Variants in LIMCH1 observed in about 807,000 individuals in gnomAD.
LIMCH1 encodes the protein LIM and calponin homology domains-containing protein 1.
Under a neutral mutation model 176.5 loss-of-function variants are expected in LIMCH1, and 113 were observed. That is an observed-to-expected ratio of 0.64 (90% CI 0.55 to 0.75). The LOEUF is 0.75. Among genes scored for constraint, LIMCH1 ranks in the 30% least tolerant of loss-of-function variants. The pLI is 0.00. For missense variants in LIMCH1, 1,674 were observed against 1,814.9 expected, an observed-to-expected ratio of 0.92 and a Z score of 1.41; for synonymous variants, 619 against 645.9, an observed-to-expected ratio of 0.96 and a Z score of 0.63.
chr4:41,363,324 C>G (rs1295726906), intron 1 of LIMCH1, among the ~76,000 whole-genome samples: 5 of 152,206 alleles, frequency 3.3e-5, no homozygotes, highest in African/African-American at 1.2e-4. Context: ...ACAATTGCAA[C>G]TCCTCTAGGG....
intron 1 of LIMCH1, among the ~76,000 whole-genome samples, chr4:41,434,605 C>T (rs1027190510): frequency 6.6e-6 from 1 of 152,200 alleles, no homozygotes; most frequent in Non-Finnish European, 1.5e-5. Flanking sequence ...CCACCTCCAC[C>T]TCCCAAGTTC....
chr4:41,586,761 A>G (rs565509520), intron 1 of LIMCH1, among the ~76,000 whole-genome samples: 2 of 152,266 alleles, frequency 1.3e-5, no homozygotes, highest in African/African-American at 4.8e-5. Flanking sequence ...TTTTCCTGAT[A>G]GGCTGCACTG....
At chr4:41,570,472 C>T (rs1211451717) in intron 1 of LIMCH1, among the ~76,000 whole-genome samples, 6 of 152,130 alleles carry the variant, frequency 3.9e-5, no homozygotes, top group Admixed American at 3.3e-4. Context: ...TTTGCATTAG[C>T]GTTGCAGTGG....
At chr4:41,560,055 C>A (rs1016624501) in intron 1 of LIMCH1, among the ~76,000 whole-genome samples, 2 of 152,140 alleles carry the variant, frequency 1.3e-5, no homozygotes, top group Non-Finnish European at 2.9e-5. Flanking sequence ...TTTATTCTGT[C>A]CAAACTGTCC....
intron 13 of LIMCH1, among the ~76,000 whole-genome samples, chr4:41,638,461 G>A (rs2093688814): frequency 6.6e-6 from 1 of 152,156 alleles, no homozygotes; most frequent in South Asian, 2.1e-4. Flanking sequence ...TGTTATTTGT[G>A]CAAATGCATT....
At chr4:41,415,491 G>A (rs1581781520) in intron 1 of LIMCH1, among the ~76,000 whole-genome samples, 1 of 152,042 alleles carries the variant, frequency 6.6e-6, no homozygotes. Flanking sequence ...ATTATTTGAG[G>A]TTTTGAAGCA....
At chr4:41,387,122 A>G (rs1208953837) in intron 1 of LIMCH1, among the ~76,000 whole-genome samples, 2 of 152,234 alleles carry the variant, frequency 1.3e-5, no homozygotes, top group East Asian at 3.8e-4. Flanking sequence ...ATACTCATGC[A>G]TACTGTATTT....
intron 1 of LIMCH1, among the ~76,000 whole-genome samples, chr4:41,465,954 C>CTTT (rs34784602): frequency 7.9e-4 from 85 of 108,252 alleles, no homozygotes; most frequent in Middle Eastern, 5.7e-3. Flanking sequence ...CTGTTTGGCT[C>CTTT]TTTTTTTTTT....
At chr4:41,521,472 C>G (rs1211932213) in intron 2 of LIMCH1, among the ~76,000 whole-genome samples, 1 of 152,076 alleles carries the variant, frequency 6.6e-6, no homozygotes, top group Non-Finnish European at 1.5e-5. Context: ...ATATTTATAT[C>G]TTAACTTATA....
intron 1 of LIMCH1, among the ~76,000 whole-genome samples, chr4:41,401,112 T>C (rs1561249605): frequency 6.6e-6 from 1 of 152,242 alleles, no homozygotes; most frequent in Admixed American, 6.5e-5. Flanking sequence ...TGCCCATGCC[T>C]ATGTCTTGAA....
chr4:41,673,508 C>T (rs1378654800), intron 22 of LIMCH1, among the ~76,000 whole-genome samples: 1 of 151,980 alleles, frequency 6.6e-6, no homozygotes, highest in Non-Finnish European at 1.5e-5. Flanking sequence ...CATCATAGAA[C>T]AGAAAATAAA....
chr4:41,428,881 G>A (rs550021038), intron 1 of LIMCH1, among the ~76,000 whole-genome samples: 10 of 152,306 alleles, frequency 6.6e-5, no homozygotes, highest in East Asian at 3.9e-4. Flanking sequence ...GAAGACAGTC[G>A]CTCACTGCTG....
At position 41,650,602 on chromosome 4, in the gene LIMCH1, G is replaced by A. The variant is rs764899804; in HGVS notation, c.3030G>A (p.Glu1010=). ...NIKKPNSVPQ[E]LAATTEKTEP... is the part of the protein sequence containing the mutation. ...AGAAGCCAAACTCTGTTCCCCAAGA[G>A]CTCGCAGTAAGAACCAAACATTTCC... Residue 1010 remains glutamate, a synonymous_variant, in exon 18 of 32, where the codon GAG becomes GAA. Transcript: ENST00000503057. 2 of 1,612,492 alleles carry A rather than the reference G, an allele frequency of 1.2e-6. No homozygotes were observed. The highest frequency in any genetic ancestry group is 1.7e-6 in the Non-Finnish European group (2 of 1,179,240).
rs151173703 is a variant in LIMCH1 at position 41,374,754 on chromosome 4, G to A, written c.96+13818G>A. Among the ~76,000 whole-genome samples the A allele has an allele frequency of 5.3e-3, 800 of 152,152 alleles. 10 individuals carry two copies. The highest frequency in any genetic ancestry group is 0.018 in the African/African-American group (753 of 41,502). On this transcript the variant is annotated intron_variant, in intron 1 of 26. Transcript: ENST00000313860. Reference sequence around the variant, plus strand: ...TCTGGATTCTCTCTCTCTTTCCACCGTGCTGTGCATTGTGTGGCTTTATGC... The same window carrying A: ...TCTGGATTCTCTCTCTCTTTCCACCATGCTGTGCATTGTGTGGCTTTATGC...
chr4:41,391,564 A>G (rs1043793369), intron 1 of LIMCH1, among the ~76,000 whole-genome samples: 10 of 152,304 alleles, frequency 6.6e-5, no homozygotes, highest in South Asian at 4.2e-4. Flanking sequence ...CAAGTATTCA[A>G]GATGAACCTT....
At chr4:41,563,126 C>T (rs958179287) in intron 1 of LIMCH1, among the ~76,000 whole-genome samples, 5 of 152,116 alleles carry the variant, frequency 3.3e-5, no homozygotes, top group African/African-American at 1.2e-4. Flanking sequence ...TAGCATAAAC[C>T]GTGGCCTATA....
intron 2 of LIMCH1, among the ~76,000 whole-genome samples, chr4:41,500,682 G>C (rs576804255): frequency 1.3e-5 from 2 of 152,106 alleles, no homozygotes; most frequent in Non-Finnish European, 2.9e-5. Context: ...GCCAATGTTC[G>C]GACAGAATCA....
Position 41,697,537 on chromosome 4 carries a change from T to G in LIMCH1, c.*352T>G. ...TAAATGATGCAATAAACCTGTTTTG[T>G]TTTAGAATGTCTAGGAATTAAACAC... On this transcript the variant is annotated 3_prime_UTR_variant, in exon 32 of 32. Transcript: ENST00000503057. 4.0e-6 allele frequency: 1 copy of G among 249,268 alleles called. No individual in the cohort carries two copies. Among genetic ancestry groups the G allele is most frequent in the East Asian group, 7.5e-5 (1 of 13,318 alleles). 15.4% of individuals were successfully genotyped at this position (249,268 alleles called of 1,614,324 possible).
chr4:41,505,645 C>A lies in LIMCH1; in HGVS notation c.167+11039C>A, dbSNP rs117228170. Reference sequence around the variant, plus strand: ...CTAGGCAGTGTTAATAGGTTCTTGTCTGGCTGCTAAGTACCCATACACAAC... The same window carrying A: ...CTAGGCAGTGTTAATAGGTTCTTGTATGGCTGCTAAGTACCCATACACAAC... On this transcript the variant is annotated intron_variant, in intron 2 of 26. Transcript: ENST00000313860. Among the ~76,000 whole-genome samples the A allele has an allele frequency of 3.9e-4, 59 of 152,244 alleles. 1 individual carries two copies. The East Asian group carries it at 0.01, about 27-fold the overall frequency.
Sources: allele counts gnomAD v4.1 joint callset (sites outside exome capture counted in the v4.1 genomes callset), GRCh38; gene constraint gnomAD v4.1.1; transcripts MANE v1.5; gene names NCBI Gene and HGNC (gene_info 2026-07-23, HGNC 2026-07-21).